The following TRIO variants were observed in gnomAD, a reference collection of about 807,000 sequenced individuals.
TRIO encodes triple functional domain protein.
A neutral mutation model predicts 351.9 loss-of-function variants in TRIO; 58 were observed. That is an observed-to-expected ratio of 0.16 (90% CI 0.13 to 0.21). The LOEUF (loss-of-function observed/expected upper bound fraction) is 0.21, where lower values mean the gene tolerates loss of function less well. Among genes scored for constraint, TRIO ranks in the 10% least tolerant of loss-of-function variants. The pLI, the probability that TRIO is intolerant of heterozygous loss-of-function variation, is 1.00. For missense variants in TRIO, 3,201 were observed against 4,027.8 expected, an observed-to-expected ratio of 0.79 and a Z score of 5.56; for synonymous variants, 1,758 against 1,595.7, an observed-to-expected ratio of 1.10 and a Z score of -2.42.
chr5:14,381,838 C>T (rs1225711089), intron 21 of TRIO, among the ~76,000 whole-genome samples: 3 of 152,124 alleles, frequency 2.0e-5, no homozygotes, highest in African/African-American at 4.8e-5. Context: ...ATTATGAAAT[C>T]GAATTATCTT....
chr5:14,373,172 A>C (rs925125989), intron 18 of TRIO, among the ~76,000 whole-genome samples: 1 of 152,184 alleles, frequency 6.6e-6, no homozygotes, highest in African/African-American at 2.4e-5. Context: ...CGAGGTTTCT[A>C]CCGCTGACAT....
chr5:14,238,238 T>G (rs1372134744), intron 1 of TRIO, among the ~76,000 whole-genome samples: 1 of 152,240 alleles, frequency 6.6e-6, no homozygotes, highest in Non-Finnish European at 1.5e-5. Context: ...GTGAACTGAC[T>G]ACTGCATGCT....
At chr5:14,371,302 C>T (rs1260547731) in intron 18 of TRIO, among the ~76,000 whole-genome samples, 1 of 152,032 alleles carries the variant, frequency 6.6e-6, no homozygotes, top group African/African-American at 2.4e-5. Context: ...CTTTTTGGAT[C>T]CCTTTGTTCA....
intron 1 of TRIO, among the ~76,000 whole-genome samples, chr5:14,205,951 C>G (rs1366044924): frequency 6.6e-6 from 1 of 152,176 alleles, no homozygotes; most frequent in Admixed American, 6.5e-5. Flanking sequence ...AGGCTGGTCT[C>G]AAACTTCTGA....
At position 14,298,711 on chromosome 5, in the gene TRIO, AT is replaced by A; in HGVS notation, c.1368+1451del. Among the ~76,000 whole-genome samples the A allele has an allele frequency of 2.0e-5, 3 of 152,330 alleles. No homozygotes were observed. The South Asian group carries it at 6.2e-4, about 32-fold the overall frequency. ...ATAAAGCAAGAGAGGAAGCTGAGTGATTTATAAAGAGAAACAAACCTTCATA... is the reference window on the plus strand; with the variant it reads ...ATAAAGCAAGAGAGGAAGCTGAGTGATTATAAAGAGAAACAAACCTTCATA... On this transcript the variant is annotated intron_variant, in intron 7 of 56. Transcript: ENST00000344204.
chr5:14,268,230 C>T (rs943873237), intron 1 of TRIO, among the ~76,000 whole-genome samples: 1 of 152,130 alleles, frequency 6.6e-6, no homozygotes, highest in Non-Finnish European at 1.5e-5. Flanking sequence ...TTTTCTGCAC[C>T]CTACTTTCAA....
intron 1 of TRIO, among the ~76,000 whole-genome samples, chr5:14,250,534 G>T (rs1794682073): frequency 6.6e-6 from 1 of 152,208 alleles, no homozygotes; most frequent in African/African-American, 2.4e-5. Flanking sequence ...GAGATGCTCT[G>T]TTGCCATTAG....
At chr5:14,183,775 A>T (rs542508749) in intron 1 of TRIO, 3 of 560,656 alleles carry the variant, frequency 5.4e-6, no homozygotes, top group Non-Finnish European at 9.7e-6. Context: ...CAGTTACAGC[A>T]TGCTGGCTGC....
intron 1 of TRIO, among the ~76,000 whole-genome samples, chr5:14,270,368 C>T (rs1056057098): frequency 7.2e-5 from 11 of 152,188 alleles, no homozygotes; most frequent in African/African-American, 2.7e-4. Flanking sequence ...TATTTTTAAC[C>T]AGACCCTGAA....
In TRIO at chr5:14,359,544, C is replaced by T. The variant is rs754148521; in HGVS notation, c.2391+13C>T. The T allele has an allele frequency of 1.1e-5, 17 of 1,610,040 alleles. No homozygotes were observed. In the Admixed American group the frequency reaches 1.2e-4, roughly 11 times the overall value. On this transcript the variant is annotated intron_variant, in intron 13 of 56. Coordinates refer to ENST00000344204, the MANE Select transcript of TRIO (RefSeq NM_007118.4). ...GGACGCCATCGACGTGAGTGTCCCG[C>T]GGCTGGCGCCTGCCTGCCTGTGGGA...
In TRIO at chr5:14,481,302, T is replaced by C; in HGVS notation, c.6387+18T>C. 1 of 1,612,946 alleles carries C rather than the reference T, an allele frequency of 6.2e-7. No individual in the cohort carries two copies. Among genetic ancestry groups the C allele is most frequent in the Non-Finnish European group, 8.5e-7 (1 of 1,179,700 alleles). Reference sequence around the variant, plus strand: ...AATTAGAGGTACATGCATCAGCGGCTGTGGGCACCCAAATCCCCACCAGCC... The same window carrying C: ...AATTAGAGGTACATGCATCAGCGGCCGTGGGCACCCAAATCCCCACCAGCC... On this transcript the variant is annotated intron_variant, in intron 44 of 56. Transcript: ENST00000344204.
Position 14,400,988 on chromosome 5 carries a change from A to G in TRIO, c.4640A>G (p.His1547Arg), listed in dbSNP as rs929230316. 6 of 1,613,928 alleles carry G rather than the reference A, an allele frequency of 3.7e-6. No individual in the cohort carries two copies. Among genetic ancestry groups the G allele is most frequent in the Non-Finnish European group, 3.4e-6 (4 of 1,180,000 alleles). The change falls in exon 31 of 57, where the codon CAT (histidine) becomes CGT (arginine). Residue 1547 changes from histidine (H) to arginine (R), a missense_variant. Coordinates refer to ENST00000344204, the MANE Select transcript of TRIO (RefSeq NM_007118.4). ...ACCTCAGAGTTGGGTGTCACAGAAC[A>G]TGTTGAAGGAGACCCTTGCAAATTT... Reference protein sequence around the residue: ...LFTSELGVTEHVEGDPCKFAL... With the variant: ...LFTSELGVTERVEGDPCKFAL...
chr5:14,310,274 C>G (rs1279891113), intron 8 of TRIO, among the ~76,000 whole-genome samples: 1 of 152,232 alleles, frequency 6.6e-6, no homozygotes, highest in East Asian at 1.9e-4. Context: ...TCACAAGCCT[C>G]AATGCCAGGT....
intron 1 of TRIO, among the ~76,000 whole-genome samples, chr5:14,162,894 C>T (rs536491045): frequency 2.2e-4 from 33 of 152,316 alleles, no homozygotes; most frequent in African/African-American, 7.9e-4. Flanking sequence ...GCAGCCTCCA[C>T]CTCCCAGGTT....
chr5:14,230,231 T>C (rs1793318059), intron 1 of TRIO, among the ~76,000 whole-genome samples: 1 of 152,108 alleles, frequency 6.6e-6, no homozygotes, highest in Non-Finnish European at 1.5e-5. Context: ...TCCTGAAAAA[T>C]ATTGTGTATA....
At chr5:14,445,000 G>A (rs1250651242) in intron 34 of TRIO, among the ~76,000 whole-genome samples, 2 of 152,134 alleles carry the variant, frequency 1.3e-5, no homozygotes, top group Admixed American at 6.5e-5. Context: ...CACCCTCCTC[G>A]TTTAACTGTA....
chr5:14,220,469 A>C (rs976216244), intron 1 of TRIO, among the ~76,000 whole-genome samples: 1 of 152,262 alleles, frequency 6.6e-6, no homozygotes. Flanking sequence ...CACATCTCTC[A>C]TGTTAAATCA....
intron 10 of TRIO, among the ~76,000 whole-genome samples, chr5:14,332,311 T>TAGGAAAGCAGG (rs1383598412): frequency 6.6e-6 from 1 of 152,226 alleles, no homozygotes; most frequent in African/African-American, 2.4e-5. Flanking sequence ...GTTTGTCATT[T>TAGGAAAGCAGG]AGGAAAGCAG....
intron 8 of TRIO, among the ~76,000 whole-genome samples, chr5:14,315,315 C>G (rs1193065300): frequency 6.7e-6 from 1 of 150,336 alleles, no homozygotes; most frequent in African/African-American, 2.5e-5. Context: ...CAGTGGCACA[C>G]GATCTCGGCT....
Sources: gnomAD v4.1 joint callset for allele counts (sites outside exome capture counted in the v4.1 genomes callset) on GRCh38, gnomAD v4.1.1 for gene constraint, MANE v1.5 for transcripts, NCBI Gene and HGNC (gene_info 2026-07-23, HGNC 2026-07-21) for gene names.